Variants in NLRC5 observed in about 807,000 individuals in gnomAD.
NLRC5 encodes the protein protein NLRC5.
Under a neutral mutation model 206.9 loss-of-function variants are expected in NLRC5, and 114 were observed. The observed-to-expected ratio is 0.55, with a 90% CI of 0.47 to 0.64. The LOEUF (loss-of-function observed/expected upper bound fraction) is 0.64, where lower values mean the gene tolerates loss of function less well. Among genes scored for constraint, NLRC5 ranks in the 30% least tolerant of loss-of-function variants. NLRC5 has a pLI of 0.00. For synonymous variants in NLRC5, 952 were observed against 962.8 expected (o/e 0.99, Z 0.21); for missense variants, 2,008 against 2,305.5 (o/e 0.87, Z 2.64).
intron 11 of NLRC5, 64 bp downstream of exon 11, chr16:57,031,527 G>GA: frequency 6.6e-7 from 1 of 1,509,954 alleles, no homozygotes; most frequent in Non-Finnish European, 9.2e-7. Flanking sequence ...TCAGGCAGTT[G>GA]AGGGGAAAGG....
rs1302350128 is a variant in NLRC5, at chr16:57,013,672, T to A, written c.-127-3402T>A. 5.7e-6 allele frequency: 5 copies of A among 882,768 alleles called. No individual in the cohort carries two copies. In the African/African-American group the frequency reaches 8.2e-5, roughly 15 times the overall value. 54.7% of individuals were successfully genotyped at this position (882,768 alleles called of 1,614,324 possible). A position where few individuals can be genotyped will look rare whatever the true frequency, so the allele number is the denominator to read the frequency against. ...CTTCAGCCATTTGAATCTTGTATGA[T>A]GAACTCACTTGCTGGTAACCTGGAA... On this transcript the variant is annotated intron_variant, in intron 1 of 48. Coordinates refer to ENST00000688547, the MANE Select transcript of NLRC5 (RefSeq NM_001384950.1).
intron 32 of NLRC5, chr16:57,062,750 A>G (rs945806427): frequency 3.3e-5 from 5 of 152,390 alleles, no homozygotes; most frequent in African/African-American, 9.7e-5. Context: ...ACCTGTAAAA[A>G]TTATTATAAA....
At chr16:57,069,425 C>T (rs1264945595) in intron 36 of NLRC5, among the ~76,000 whole-genome samples, 1 of 152,008 alleles carries the variant, frequency 6.6e-6, no homozygotes, top group Admixed American at 6.6e-5. Flanking sequence ...AGCGAGACCA[C>T]CCCCATCTCT....
At chr16:57,072,585 C>T (rs1252737380) in intron 38 of NLRC5, among the ~76,000 whole-genome samples, 1 of 152,148 alleles carries the variant, frequency 6.6e-6, no homozygotes, top group Non-Finnish European at 1.5e-5. Context: ...TTAGAAATGC[C>T]AGAAACAGCC....
intron 15 of NLRC5, among the ~76,000 whole-genome samples, chr16:57,037,953 C>G (rs1038919545): frequency 6.6e-6 from 1 of 152,134 alleles, no homozygotes; most frequent in African/African-American, 2.4e-5. Context: ...GATTAGGGGA[C>G]CTTGGTTCAC....
intron 1 of NLRC5, chr16:57,013,798 C>T (rs187051756): frequency 2.3e-5 from 16 of 702,126 alleles, no homozygotes; most frequent in South Asian, 1.2e-4. Flanking sequence ...CACCCAGAAG[C>T]GCAACTGAAC....
intron 40 of NLRC5, 115 bp from the exon 41 acceptor site, chr16:57,077,181 T>G (rs548082884): frequency 1.1e-6 from 1 of 896,850 alleles, no homozygotes; most frequent in Admixed American, 2.0e-5. Context: ...GTGATGGGGC[T>G]CTCTGTGTGA....
chr16:57,074,522 G>A (rs1407195613), intron 38 of NLRC5, 78 bp from the exon 39 acceptor site: 3 of 1,271,492 alleles, frequency 2.4e-6, no homozygotes, highest in Non-Finnish European at 3.5e-6. Context: ...GGCTTGCTAA[G>A]CACAGAGGCC....
intron 32 of NLRC5, chr16:57,062,287 GT>G: frequency 3.0e-5 from 12 of 401,486 alleles, no homozygotes; most frequent in Middle Eastern, 7.1e-4. Context: ...AAGAAACTCA[GT>G]TAGCGATTCC....
Position 57,026,181 on chromosome 16 carries a change from G to A in NLRC5, c.1238G>A (p.Cys413Tyr). Residue 413 changes from cysteine to tyrosine, a missense_variant, in exon 6 of 49, where the codon TGT becomes TAT. Transcript: ENST00000688547. ...CAVPALCQVA[C>Y]LCLHHLLPDH... The stretch of plus-strand genomic sequence containing the variant: ...GTGCCCGCACTGTGCCAAGTCGCCT[G>A]TCTCTGCCTCCACCATCTGCTTCCT... 1 of 1,613,842 alleles carries A rather than the reference G, an allele frequency of 6.2e-7. No individual in the cohort carries two copies. Among genetic ancestry groups the A allele is most frequent in the Non-Finnish European group, 8.5e-7 (1 of 1,180,040 alleles).
At chr16:57,081,255 G>T (rs1305127511) in intron 47 of NLRC5, 74 bp downstream of exon 47, 4 of 1,403,308 alleles carry the variant, frequency 2.9e-6, no homozygotes, top group Non-Finnish European at 3.9e-6. Flanking sequence ...GAGGCCACTG[G>T]GTCAGTCCCC....
chr16:57,043,646 A>G, intron 20 of NLRC5, 42 bp downstream of exon 20: 2 of 1,506,712 alleles, frequency 1.3e-6, no homozygotes, highest in Non-Finnish European at 1.8e-6. Flanking sequence ...CCTGTCCCCC[A>G]TCCCACAGGT....
intron 20 of NLRC5, 21 bp downstream of exon 20, chr16:57,043,625 C>G: frequency 6.3e-7 from 1 of 1,591,730 alleles, no homozygotes; most frequent in Non-Finnish European, 8.6e-7. Context: ...CTCTCCGCCC[C>G]CAGCCCTGCC....
In NLRC5 at chr16:57,023,838, A is replaced by G. The variant is rs764376499; in HGVS notation, c.409A>G (p.Lys137Glu). 2 of 1,611,402 alleles carry G rather than the reference A, an allele frequency of 1.2e-6. No homozygotes were observed. The highest frequency in any genetic ancestry group is 1.7e-6 in the Non-Finnish European group (2 of 1,178,716). Reference protein sequence around the residue: ...CGSSPRRKQCKKQQLELAKKY... With the variant: ...CGSSPRRKQCEKQQLELAKKY... Reference sequence around the variant, plus strand: ...GTCCTCACCCCGCCGGAAGCAGTGCAAGAAGCAGCAGCTAGGTGGGTACCA... The same window carrying G: ...GTCCTCACCCCGCCGGAAGCAGTGCGAGAAGCAGCAGCTAGGTGGGTACCA... The change falls in exon 5 of 49, where the codon AAG becomes GAG. Residue 137 changes from lysine (K) to glutamate (E), a missense_variant. Lys to Glu is a moderately conservative substitution (Grantham distance 56). Coordinates refer to ENST00000688547, the MANE Select transcript of NLRC5 (RefSeq NM_001384950.1).
intron 47 of NLRC5, 138 bp downstream of exon 47, chr16:57,081,319 C>G (rs1303593696): frequency 1.0e-6 from 1 of 961,798 alleles, no homozygotes; most frequent in African/African-American, 1.6e-5. Context: ...TTCCAAGCCC[C>G]TGCCAGGCTT....
rs142407345 is a variant in NLRC5 at position 57,055,726 on chromosome 16, A to C, written c.3746+207A>C. 1.6e-3 allele frequency among the ~76,000 whole-genome samples: 238 copies of C among 152,220 alleles called. 1 individual carries two copies. The highest frequency in any genetic ancestry group is 5.4e-3 in the African/African-American group (226 of 41,546). ...CCCGCCCCCACTCTCGCCATGGTGGAGCTAGTTCCATGGTGTGCCCTCTGA... is the reference window on the plus strand; with the variant it reads ...CCCGCCCCCACTCTCGCCATGGTGGCGCTAGTTCCATGGTGTGCCCTCTGA... On this transcript the variant is annotated intron_variant, in intron 27 of 48. Transcript: ENST00000688547.
chr16:57,042,130 C>A, intron 19 of NLRC5, 65 bp downstream of exon 19: 1 of 1,034,058 alleles, frequency 9.7e-7, no homozygotes, highest in Non-Finnish European at 1.4e-6. Context: ...CTGTCCCATC[C>A]CCCTCTTTCC....
At chr16:57,044,905 G>A (rs185203479) in intron 20 of NLRC5, among the ~76,000 whole-genome samples, 173 of 147,004 alleles carry the variant, frequency 1.2e-3, no homozygotes, top group Middle Eastern at 7.5e-3. Context: ...GCAAGACTCT[G>A]TCTCAAAGAA....
chr16:57,047,755 A>C, intron 23 of NLRC5, 127 bp downstream of exon 23: 2 of 788,902 alleles, frequency 2.5e-6, no homozygotes, highest in Non-Finnish European at 4.3e-6. Context: ...CTGCCCCATG[A>C]GAGTCCCCTG....
Sources: gnomAD v4.1 joint callset for allele counts (sites outside exome capture counted in the v4.1 genomes callset) on GRCh38, gnomAD v4.1.1 for gene constraint, MANE v1.5 for transcripts, NCBI Gene and HGNC (gene_info 2026-07-23, HGNC 2026-07-21) for gene names.